PIK3R3: variants seen among roughly 807,000 people sequenced by gnomAD.
PIK3R3 encodes phosphatidylinositol 3-kinase regulatory subunit gamma.
A neutral mutation model predicts 62.9 loss-of-function variants in PIK3R3; 64 were observed. The ratio of observed to expected loss-of-function variants is 1.02; its 90% CI spans 0.83 to 1.25. The LOEUF (loss-of-function observed/expected upper bound fraction) is 1.25. PIK3R3 is among the 50% of genes most tolerant of loss of function. The probability of loss-of-function intolerance (pLI) is 0.00; values close to 1 mark genes in which losing one functional copy is unlikely to be tolerated. For missense variants in PIK3R3, 614 were observed against 561.6 expected, an observed-to-expected ratio of 1.09 and a Z score of -0.94; for synonymous variants, 165 against 189.0, an observed-to-expected ratio of 0.87 and a Z score of 1.04.
Position 46,057,651 on chromosome 1 carries a change from T to C in PIK3R3, c.765-1680A>G, listed in dbSNP as rs556302357. Among the ~76,000 whole-genome samples, 6 of 152,258 alleles carry C rather than the reference T, an allele frequency of 3.9e-5. No individual in the cohort carries two copies. In the South Asian group the frequency reaches 6.2e-4, roughly 16 times the overall value. ...CTCTTGTTACGTTTTAGCAAAGAGA[T>C]TGATAGCATTTTGCCCCTGCCCTAG... is the stretch of plus-strand genomic sequence containing the variant. On this transcript the variant is annotated intron_variant, in intron 6 of 9. Coordinates refer to ENST00000262741, the MANE Select transcript of PIK3R3 (RefSeq NM_003629.4).
At chr1:46,154,993 T>C in the PIK3R3 span, among the ~76,000 whole-genome samples, 10 of 152,362 alleles carry the variant, frequency 6.6e-5, no homozygotes, top group African/African-American at 2.4e-4. Flanking sequence ...ACTTTACTTA[T>C]GTTTTTTGTT....
chr1:46,156,245 GT>G, the PIK3R3 span, among the ~76,000 whole-genome samples: 22 of 151,008 alleles, frequency 1.5e-4, no homozygotes, highest in Non-Finnish European at 3.1e-4. Flanking sequence ...AAAATTTCCT[GT>G]TTAAAAAAAA....
At chr1:46,149,489 A>G in the PIK3R3 span, among the ~76,000 whole-genome samples, 1 of 151,732 alleles carries the variant, frequency 6.6e-6, no homozygotes, top group Non-Finnish European at 1.5e-5. Context: ...CCATGGCAAC[A>G]TCCAGAAGTT....
At chr1:46,073,931 G>T (rs1330521018) in intron 3 of PIK3R3, among the ~76,000 whole-genome samples, 1 of 150,756 alleles carries the variant, frequency 6.6e-6, no homozygotes, top group East Asian at 2.0e-4. Flanking sequence ...ACCATGACCG[G>T]CCAACTGTTG....
chr1:46,080,481 G>C (rs775710664), intron 2 of PIK3R3, among the ~76,000 whole-genome samples, 161 bp downstream of exon 2: 2 of 151,580 alleles, frequency 1.3e-5, no homozygotes, highest in African/African-American at 2.4e-5. Context: ...CTACAGCCTC[G>C]AACTCCTGGT....
In PIK3R3 at chr1:46,096,838, C is replaced by CT. The variant is rs1387267184; in HGVS notation, c.107-16089dup. ...CCTGGGCAACAGAGCGAGACTCTGT[C>CT]TTAAAAAAAAAAAAAAAGAAAGAAA... On this transcript the variant is annotated intron_variant, in intron 1 of 9. Coordinates refer to ENST00000262741, the MANE Select transcript of PIK3R3 (RefSeq NM_003629.4). Among the ~76,000 whole-genome samples the CT allele has an allele frequency of 3.4e-3, 450 of 132,838 alleles. 5 individuals carry two copies. The highest frequency in any genetic ancestry group is 0.012 in the African/African-American group (430 of 36,330). The allele number at this position is 132,838 out of a possible 152,430, so 87.1% of individuals were successfully genotyped here.
At chr1:46,136,029 C>CA (rs552872602), upstream of PIK3R3, among the ~76,000 whole-genome samples, 1,132 of 41,304 alleles carry the variant, frequency 0.027, 23 homozygotes, top group African/African-American at 0.056. Flanking sequence ...GACTCAGTCT[C>CA]AAAAAAAAAA....
chr1:46,105,239 C>A, intron 1 of PIK3R3: 2 of 377,762 alleles, frequency 5.3e-6, no homozygotes, highest in South Asian at 4.7e-5. Context: ...CACGGTGGCT[C>A]ACACCTGTAA....
At chr1:46,162,961 T>A in the PIK3R3 span, among the ~76,000 whole-genome samples, 96 of 152,340 alleles carry the variant, frequency 6.3e-4, no homozygotes, top group African/African-American at 2.1e-3. Flanking sequence ...ATATATTTTT[T>A]CTTTTTATTT....
At chr1:46,049,311 C>T (rs558561255) in intron 7 of PIK3R3, among the ~76,000 whole-genome samples, 2 of 152,214 alleles carry the variant, frequency 1.3e-5, no homozygotes, top group East Asian at 3.9e-4. Flanking sequence ...TTTTACAGCC[C>T]AACTACCACA....
At position 46,075,439 on chromosome 1, in the gene PIK3R3, A is replaced by G. The variant is rs539084243; in HGVS notation, c.314+2076T>C. On this transcript the variant is annotated intron_variant, in intron 3 of 9. Coordinates refer to ENST00000262741, the MANE Select transcript of PIK3R3 (RefSeq NM_003629.4). ...AGACCAGCCTGGGCAACACAGGGAGACTCCATCTCTACAAAAAATAAAAAA... is the reference window on the plus strand; with the variant it reads ...AGACCAGCCTGGGCAACACAGGGAGGCTCCATCTCTACAAAAAATAAAAAA... Among the ~76,000 whole-genome samples, 11 of 151,982 alleles carry G rather than the reference A, an allele frequency of 7.2e-5. No individual in the cohort carries two copies. The South Asian group carries it at 2.3e-3, about 32-fold the overall frequency.
chr1:46,069,583 G>C (rs1419261114), intron 3 of PIK3R3, among the ~76,000 whole-genome samples: 2 of 152,058 alleles, frequency 1.3e-5, no homozygotes, highest in South Asian at 2.1e-4. Flanking sequence ...TTAAGTTTGA[G>C]ATGCCTCCTA....
At chr1:46,050,636 G>A (rs1447057510) in intron 7 of PIK3R3, among the ~76,000 whole-genome samples, 1 of 152,190 alleles carries the variant, frequency 6.6e-6, no homozygotes, top group Non-Finnish European at 1.5e-5. Context: ...CTACTGGTGT[G>A]AATGTAAAAT....
intron 1 of PIK3R3, among the ~76,000 whole-genome samples, chr1:46,113,942 A>C (rs1653952136): frequency 6.6e-6 from 1 of 152,216 alleles, no homozygotes. Flanking sequence ...AATATATCTT[A>C]GATGACAGGA....
intron 1 of PIK3R3, among the ~76,000 whole-genome samples, chr1:46,106,004 A>T (rs576746474): frequency 6.6e-6 from 1 of 152,346 alleles, no homozygotes; most frequent in South Asian, 2.1e-4. Context: ...AAATTAACTT[A>T]CACATGGCAA....
intron 6 of PIK3R3, among the ~76,000 whole-genome samples, chr1:46,061,488 A>G (rs911997201): frequency 6.6e-6 from 1 of 152,198 alleles, no homozygotes; most frequent in Non-Finnish European, 1.5e-5. Flanking sequence ...AAAATATTCG[A>G]TGAGCACCCA....
At chr1:46,095,053 T>C (rs1241831929) in intron 1 of PIK3R3, among the ~76,000 whole-genome samples, 1 of 152,164 alleles carries the variant, frequency 6.6e-6, no homozygotes, top group Non-Finnish European at 1.5e-5. Flanking sequence ...AAACAATTAC[T>C]TCAACAACTA....
In PIK3R3 at chr1:46,072,641, A is replaced by T. The variant is rs190470430; in HGVS notation, c.314+4874T>A. 1.0e-3 allele frequency among the ~76,000 whole-genome samples: 156 copies of T among 152,362 alleles called. 2 individuals are homozygous for T. The highest frequency in any genetic ancestry group is 0.01 in the Admixed American group (156 of 15,306). On this transcript the variant is annotated intron_variant, in intron 3 of 9. Transcript: ENST00000262741. ...ACCATTTTCCAGATAAATAAGAAGCATATTCATCTATTAAATAAGTATTTA... is the reference window on the plus strand; with the variant it reads ...ACCATTTTCCAGATAAATAAGAAGCTTATTCATCTATTAAATAAGTATTTA...
At chr1:46,061,187 ACTT>A (rs1446323303) in intron 6 of PIK3R3, among the ~76,000 whole-genome samples, 1 of 152,134 alleles carries the variant, frequency 6.6e-6, no homozygotes, top group African/African-American at 2.4e-5. Context: ...CTCCTCATGT[ACTT>A]CTTATTTTGG....
Sources: gnomAD v4.1 joint callset for allele counts (sites outside exome capture counted in the v4.1 genomes callset) on GRCh38, gnomAD v4.1.1 for gene constraint, MANE v1.5 for transcripts, NCBI Gene and HGNC (gene_info 2026-07-23, HGNC 2026-07-21) for gene names.